Variants in KIRREL3 observed in about 807,000 individuals in gnomAD.
The protein encoded by KIRREL3 is kin of IRRE-like protein 3.
Under a neutral mutation model 89.7 loss-of-function variants are expected in KIRREL3, and 36 were observed. The ratio of observed to expected loss-of-function variants is 0.40; its 90% CI spans 0.31 to 0.53. The LOEUF is 0.53. KIRREL3 is among the 20% of genes least tolerant of loss of function. The pLI, the probability that KIRREL3 is intolerant of heterozygous loss-of-function variation, is 0.49. For missense variants in KIRREL3, 864 were observed against 1,056.6 expected (o/e 0.82, Z 2.53); for synonymous variants, 445 against 441.4 (o/e 1.01, Z -0.10).
In KIRREL3 at chr11:126,599,860, G is replaced by T. The variant is rs544266714; in HGVS notation, c.56-36948C>A. Among the ~76,000 whole-genome samples, 5 of 152,250 alleles carry T rather than the reference G, an allele frequency of 3.3e-5. No homozygotes were observed. The South Asian group carries it at 1.0e-3, about 32-fold the overall frequency. ...CCATTTTCTTAGACTAGCATCAGGG[G>T]ACTTAACTTGACAGCCAAGGTCCCA... On this transcript the variant is annotated intron_variant, in intron 1 of 16. Coordinates refer to ENST00000525144, the MANE Select transcript of KIRREL3 (RefSeq NM_032531.4).
rs60734857 is a variant in KIRREL3 at position 126,922,714 on chromosome 11, GCAA to G, written c.55+77738_55+77740del. Among the ~76,000 whole-genome samples, 66 of 151,202 alleles carry G rather than the reference GCAA, an allele frequency of 4.4e-4. 1 individual carries two copies. The East Asian group carries it at 0.01, about 23-fold the overall frequency. ...CAAATAAAAAGCAGCAGGAGCAGCAGCAACAACAACAACAACAACAACAACAAC... is the reference window on the plus strand; with the variant it reads ...CAAATAAAAAGCAGCAGGAGCAGCAGCAACAACAACAACAACAACAACAAC... On this transcript the variant is annotated intron_variant, in intron 1 of 16. Coordinates refer to ENST00000525144, the MANE Select transcript of KIRREL3 (RefSeq NM_032531.4).
intron 1 of KIRREL3, among the ~76,000 whole-genome samples, chr11:126,813,350 A>G (rs946819719): frequency 6.6e-6 from 1 of 152,192 alleles, no homozygotes; most frequent in Non-Finnish European, 1.5e-5. Context: ...CCTGTGTATG[A>G]AACAAATGAA....
rs1470926238 is a variant in KIRREL3 at position 126,686,630 on chromosome 11, A to C, written c.56-123718T>G. On this transcript the variant is annotated intron_variant, in intron 1 of 16. Transcript: ENST00000525144. The surrounding 1 kb of genome is among the most constrained non-coding windows in gnomAD (Gnocchi z 4.7). ...AGTCTCACTGTGTGGCACAGGCTGGAGTGCAGTGGCGTGATCTTGGCTCAC... is the reference window on the plus strand; with the variant it reads ...AGTCTCACTGTGTGGCACAGGCTGGCGTGCAGTGGCGTGATCTTGGCTCAC... Among the ~76,000 whole-genome samples the C allele has an allele frequency of 6.6e-6, 1 of 152,106 alleles. No homozygotes were observed. Among genetic ancestry groups the C allele is most frequent in the African/African-American group, 2.4e-5 (1 of 41,412 alleles).
rs1374943853 is a variant in KIRREL3, at chr11:126,606,418, G to A, written c.56-43506C>T. Among the ~76,000 whole-genome samples, 5 of 152,256 alleles carry A rather than the reference G, an allele frequency of 3.3e-5. No individual in the cohort carries two copies. The East Asian group carries it at 9.6e-4, about 29-fold the overall frequency. On this transcript the variant is annotated intron_variant, in intron 1 of 16. Transcript: ENST00000525144. This position sits in a 1 kb window ranked among gnomAD's most constrained non-coding sequence, Gnocchi z 4.6. ...TAACTCATGGAGCTGTGAGGAGTGA[G>A]CAGATTATGACATGTACATCCTTTG...
rs768853857 is a variant in KIRREL3, at chr11:126,463,458, C to T, written c.592-151G>A. On this transcript the variant is annotated intron_variant, in intron 5 of 16. Coordinates refer to ENST00000525144, the MANE Select transcript of KIRREL3 (RefSeq NM_032531.4). This position sits in a 1 kb window ranked among gnomAD's most constrained non-coding sequence, Gnocchi z 5.9. ...AGGAGACCTGGGCTGCCCATGTCTA[C>T]GCAGAGCTCGGGGGTTACCCCCTGG... Among the ~76,000 whole-genome samples the T allele has an allele frequency of 6.6e-5, 10 of 152,172 alleles. No homozygotes were observed. The highest frequency in any genetic ancestry group is 8.8e-5 in the Non-Finnish European group (6 of 68,040).
chr11:126,660,548 G>T (rs1176045867), intron 1 of KIRREL3, among the ~76,000 whole-genome samples: 1 of 152,134 alleles, frequency 6.6e-6, no homozygotes, highest in Admixed American at 6.5e-5. Context: ...CCATTTCCAG[G>T]AAGGGAACCC....
At chr11:126,753,400 T>C (rs1263244450) in intron 1 of KIRREL3, among the ~76,000 whole-genome samples, 2 of 152,204 alleles carry the variant, frequency 1.3e-5, no homozygotes, top group African/African-American at 4.8e-5. Flanking sequence ...TACTGGGATG[T>C]AGACGGCCCC....
intron 1 of KIRREL3, among the ~76,000 whole-genome samples, chr11:126,775,510 T>C (rs1446054310): frequency 2.6e-5 from 4 of 152,118 alleles, no homozygotes; most frequent in African/African-American, 9.7e-5. Context: ...AGGCTTGGCC[T>C]TATTTGTGAC....
In KIRREL3 at chr11:126,894,542, C is replaced by CAAA. The variant is rs10630231; in HGVS notation, c.55+105910_55+105912dup. Among the ~76,000 whole-genome samples, 46 of 17,484 alleles carry CAAA rather than the reference C, an allele frequency of 2.6e-3. 6 individuals are homozygous for CAAA. Among genetic ancestry groups the CAAA allele is most frequent in the South Asian group, 0.014 (2 of 146 alleles). 11.5% of individuals were successfully genotyped at this position (17,484 alleles called of 152,430 possible). ...TGGGCAACATAATGAGACCTCATCT[C>CAAA]AAAAAAAAAAAAAAAAAAAAAAAAA... On this transcript the variant is annotated intron_variant, in intron 1 of 16. Transcript: ENST00000525144.
chr11:126,695,312 T>G (rs1189573646), intron 1 of KIRREL3, among the ~76,000 whole-genome samples: 1 of 150,224 alleles, frequency 6.7e-6, no homozygotes, highest in Admixed American at 6.7e-5. Flanking sequence ...GAGTTAGAAC[T>G]GCAATCAGGT....
chr11:126,942,928 C>T (rs73016613), intron 1 of KIRREL3, among the ~76,000 whole-genome samples: 19 of 152,282 alleles, frequency 1.2e-4, no homozygotes, highest in African/African-American at 2.4e-4. Flanking sequence ...TTGCAAGGCT[C>T]GGCTCGTTAA....
At chr11:126,592,030 C>T (rs912810688) in intron 1 of KIRREL3, among the ~76,000 whole-genome samples, 1 of 152,148 alleles carries the variant, frequency 6.6e-6, no homozygotes, top group Non-Finnish European at 1.5e-5. Context: ...TGCCTTTGGA[C>T]TCTCCAGAGA....
intron 5 of KIRREL3, 57 bp downstream of exon 5, chr11:126,473,225 ATCAACTCCCTGTCCACCTAGCCCCCTC>A: frequency 1.7e-6 from 1 of 591,956 alleles, no homozygotes; most frequent in South Asian, 5.7e-5. Context: ...CCTCCTCCCC[ATCAACTCCCTGTCCACCTAGCCCCCTC>A]CCCACCCACT....
chr11:126,750,509 G>A lies in KIRREL3; in HGVS notation c.56-187597C>T, dbSNP rs371999851. ...AAGAATGTAGTATGAACTTATCAGT[G>A]AATGTAGCAGCTAGGCTTTTCTTAG... On this transcript the variant is annotated intron_variant, in intron 1 of 16. Coordinates refer to ENST00000525144, the MANE Select transcript of KIRREL3 (RefSeq NM_032531.4). The surrounding 1 kb of genome is among the most constrained non-coding windows in gnomAD (Gnocchi z 4.2). 1.0e-3 allele frequency among the ~76,000 whole-genome samples: 152 copies of A among 152,324 alleles called. 1 individual carries two copies. The South Asian group carries it at 0.029, about 29-fold the overall frequency.
chr11:126,942,929 G>A (rs1377456871), intron 1 of KIRREL3, among the ~76,000 whole-genome samples: 3 of 152,112 alleles, frequency 2.0e-5, no homozygotes, highest in South Asian at 2.1e-4. Context: ...TGCAAGGCTC[G>A]GCTCGTTAAC....
rs1447598064 is a variant in KIRREL3 at position 126,484,711 on chromosome 11, A to C, written c.434-11245T>G. ...AATCCTGTAGATGTGTTAATTACAT[A>C]TATGTGATTTAATTAATGTAGGTGT... On this transcript the variant is annotated intron_variant, in intron 4 of 16. Coordinates refer to ENST00000525144, the MANE Select transcript of KIRREL3 (RefSeq NM_032531.4). This position sits in a 1 kb window ranked among gnomAD's most constrained non-coding sequence, Gnocchi z 5.2. 6.6e-6 allele frequency among the ~76,000 whole-genome samples: 1 copy of C among 152,128 alleles called. No individual in the cohort carries two copies. The highest frequency in any genetic ancestry group is 1.5e-5 in the Non-Finnish European group (1 of 68,036).
chr11:126,803,710 C>T (rs1202942000), intron 1 of KIRREL3, among the ~76,000 whole-genome samples: 1 of 152,074 alleles, frequency 6.6e-6, no homozygotes, highest in Admixed American at 6.5e-5. Context: ...CTGGCTGTCA[C>T]CTGTGCTGTC....
intron 1 of KIRREL3, among the ~76,000 whole-genome samples, chr11:126,810,972 A>T (rs1431456054): frequency 6.6e-6 from 1 of 151,926 alleles, no homozygotes; most frequent in East Asian, 1.9e-4. Flanking sequence ...TGCAGGGAGG[A>T]GGTGGTACGT....
At chr11:126,712,876 C>T (rs1170560152) in intron 1 of KIRREL3, among the ~76,000 whole-genome samples, 1 of 152,164 alleles carries the variant, frequency 6.6e-6, no homozygotes, top group Admixed American at 6.5e-5. Context: ...GTTTAGGTGT[C>T]CAAGGCTTTT....
Sources: gnomAD v4.1 joint callset for allele counts (sites outside exome capture counted in the v4.1 genomes callset) on GRCh38, gnomAD v4.1.1 for gene constraint, Gnocchi (gnomAD v3.1) non-coding constraint, MANE v1.5 for transcripts, NCBI Gene and HGNC (gene_info 2026-07-23, HGNC 2026-07-21) for gene names.